The following RBFOX1 variants were observed in gnomAD, a reference collection of about 807,000 sequenced individuals.
RBFOX1 encodes RNA binding fox-1 homolog 1.
RBFOX1 carries 8 observed loss-of-function variants against 57.7 expected under a neutral mutation model. The ratio of observed to expected loss-of-function variants is 0.14; its 90% confidence interval spans 0.08 to 0.25. The LOEUF is 0.25. RBFOX1 is among the 10% of genes least tolerant of loss of function. RBFOX1 has a pLI of 1.00. For missense variants in RBFOX1, 611 were observed against 548.5 expected (o/e 1.11, Z -1.14); for synonymous variants, 326 against 222.4 (o/e 1.47, Z -4.15).
At position 6,885,708 on chromosome 16, in the gene RBFOX1, C is replaced by G. The variant is rs372179515; in HGVS notation, c.-15-166349C>G. Among the ~76,000 whole-genome samples the G allele has an allele frequency of 1.6e-4, 24 of 151,774 alleles. No homozygotes were observed. The East Asian group carries it at 3.3e-3, about 21-fold the overall frequency. On this transcript the variant is annotated intron_variant, in intron 3 of 15. Transcript: ENST00000550418. ...CACCACACTCAGCTAATTTTTCTAT[C>G]TTTAGTAGAGACTGGGTTTCACCAG...
intron 1 of RBFOX1, among the ~76,000 whole-genome samples, chr16:5,328,898 C>G (rs1397221272): frequency 6.6e-6 from 1 of 152,174 alleles, no homozygotes; most frequent in African/African-American, 2.4e-5. Flanking sequence ...CGGGTCCTAC[C>G]CAGTTCCTGA....
At chr16:5,811,145 T>A (rs1334848749) in intron 3 of RBFOX1, among the ~76,000 whole-genome samples, 1 of 137,220 alleles carries the variant, frequency 7.3e-6, no homozygotes, top group Non-Finnish European at 1.6e-5. Flanking sequence ...TGGAACAAAT[T>A]TTTTTTTTTT....
At chr16:6,507,836 TG>T (rs1313313756) in intron 2 of RBFOX1, among the ~76,000 whole-genome samples, 1 of 151,376 alleles carries the variant, frequency 6.6e-6, no homozygotes, top group African/African-American at 2.4e-5. Context: ...GAATGGGGAA[TG>T]GGGGTTTTGT....
At chr16:6,025,442 C>T (rs1228316559) in intron 1 of RBFOX1, among the ~76,000 whole-genome samples, 1 of 152,222 alleles carries the variant, frequency 6.6e-6, no homozygotes, top group Non-Finnish European at 1.5e-5. Flanking sequence ...CATCTGTATA[C>T]ATTAGCCTAC....
intron 4 of RBFOX1, among the ~76,000 whole-genome samples, chr16:7,494,059 G>C (rs916254671): frequency 1.3e-5 from 2 of 151,844 alleles, no homozygotes; most frequent in Non-Finnish European, 1.5e-5. Flanking sequence ...CTCCGAGAGT[G>C]GTTATGGAGG....
chr16:5,694,433 G>T (rs946190922), intron 3 of RBFOX1, among the ~76,000 whole-genome samples: 3 of 152,172 alleles, frequency 2.0e-5, no homozygotes, highest in Admixed American at 2.0e-4. Flanking sequence ...CTGTAACTTC[G>T]TGAACACAAC....
At chr16:5,466,345 C>CA (rs2068952914) in intron 1 of RBFOX1, among the ~76,000 whole-genome samples, 1 of 152,018 alleles carries the variant, frequency 6.6e-6, no homozygotes, top group African/African-American at 2.4e-5. Context: ...CCAAGGGGAG[C>CA]ATGTGTGGGG....
chr16:5,658,678 C>G (rs984976950), intron 3 of RBFOX1, among the ~76,000 whole-genome samples: 16 of 151,290 alleles, frequency 1.1e-4, no homozygotes, highest in African/African-American at 3.9e-4. Context: ...CTGTGAATGC[C>G]ATTAATTCAT....
intron 3 of RBFOX1, among the ~76,000 whole-genome samples, chr16:6,709,747 G>C (rs963948353): frequency 6.6e-6 from 1 of 152,010 alleles, no homozygotes; most frequent in Non-Finnish European, 1.5e-5. Flanking sequence ...CTTAAGTGTG[G>C]GTTTGATTCC....
At chr16:6,470,714 C>T (rs991358996) in intron 2 of RBFOX1, among the ~76,000 whole-genome samples, 4 of 152,206 alleles carry the variant, frequency 2.6e-5, no homozygotes, top group African/African-American at 9.6e-5. Flanking sequence ...GTCATCGATA[C>T]CACCATTTAG....
intron 2 of RBFOX1, among the ~76,000 whole-genome samples, chr16:6,571,993 C>T (rs1238940117): frequency 1.3e-5 from 2 of 152,130 alleles, no homozygotes; most frequent in African/African-American, 2.4e-5. Context: ...GATAGCCTTT[C>T]ACATTTTTAT....
chr16:7,323,689 G>C (rs532553016), intron 4 of RBFOX1, among the ~76,000 whole-genome samples: 2 of 152,310 alleles, frequency 1.3e-5, no homozygotes, highest in South Asian at 4.1e-4. Context: ...GGAATGAAGA[G>C]GGGATAAACT....
At chr16:6,609,884 T>C (rs2098015963) in intron 2 of RBFOX1, among the ~76,000 whole-genome samples, 1 of 152,090 alleles carries the variant, frequency 6.6e-6, no homozygotes, top group African/African-American at 2.4e-5. Flanking sequence ...GGTGCGCACC[T>C]GTAGTCCCAG....
At chr16:5,558,419 C>A (rs1461445402) in intron 2 of RBFOX1, among the ~76,000 whole-genome samples, 2 of 152,084 alleles carry the variant, frequency 1.3e-5, no homozygotes, top group Non-Finnish European at 2.9e-5. Context: ...GAGGTCTGAG[C>A]ATCGAGGAGA....
chr16:7,323,116 CA>C (rs1169808305), intron 4 of RBFOX1, among the ~76,000 whole-genome samples: 2 of 152,242 alleles, frequency 1.3e-5, no homozygotes, highest in South Asian at 4.1e-4. Flanking sequence ...AGAAACCACT[CA>C]GATTGAGTTA....
intron 3 of RBFOX1, among the ~76,000 whole-genome samples, chr16:6,877,022 A>G (rs1280268553): frequency 2.0e-5 from 3 of 152,256 alleles, no homozygotes; most frequent in East Asian, 3.9e-4. Flanking sequence ...TATTTCTGCT[A>G]TTGTTTCTTA....
rs1597145593 is a variant in RBFOX1 at position 5,457,637 on chromosome 16, C to G, written c.220-9579C>G. On this transcript the variant is annotated intron_variant, in intron 1 of 2. Transcript: ENST00000585867. Reference sequence around the variant, plus strand: ...TTCGTCTGCATGGAGCACTCTTTCTCCTCTTTCTTAAGTTGTCTTAGTGCA... The same window carrying G: ...TTCGTCTGCATGGAGCACTCTTTCTGCTCTTTCTTAAGTTGTCTTAGTGCA... Among the ~76,000 whole-genome samples the G allele has an allele frequency of 2.0e-5, 3 of 152,298 alleles. No individual in the cohort carries two copies. In the South Asian group the frequency reaches 6.2e-4, roughly 32 times the overall value.
intron 3 of RBFOX1, among the ~76,000 whole-genome samples, chr16:6,940,448 A>G (rs2078177934): frequency 6.6e-6 from 1 of 152,236 alleles, no homozygotes; most frequent in South Asian, 2.1e-4. Context: ...CCACACAGCA[A>G]AAACTGACGA....
At chr16:6,733,901 A>G (rs964703720) in intron 3 of RBFOX1, among the ~76,000 whole-genome samples, 4 of 152,224 alleles carry the variant, frequency 2.6e-5, no homozygotes, top group African/African-American at 9.6e-5. Context: ...TGTCAGCGCT[A>G]TGCTGTACAG....
Sources: gnomAD v4.1 joint callset for allele counts (sites outside exome capture counted in the v4.1 genomes callset) on GRCh38, gnomAD v4.1.1 for gene constraint, MANE v1.5 for transcripts, NCBI Gene and HGNC (gene_info 2026-07-23, HGNC 2026-07-21) for gene names.